The following WDPCP variants were observed in gnomAD, a reference collection of about 807,000 sequenced individuals.
WDPCP encodes WD repeat containing planar cell polarity effector.
In WDPCP, 71 loss-of-function variants were observed where a neutral mutation model predicts 93.1. The observed-to-expected ratio is 0.76, with a 90% CI of 0.63 to 0.93. The LOEUF (loss-of-function observed/expected upper bound fraction) is 0.93, where lower values mean the gene tolerates loss of function less well. WDPCP is among the 40% of genes least tolerant of loss of function. WDPCP has a pLI of 0.00. For synonymous variants in WDPCP, 315 were observed against 315.0 expected (o/e 1.00, Z 0.00); for missense variants, 844 against 887.4 (o/e 0.95, Z 0.62).
rs562772329 is a variant in WDPCP at position 63,457,569 on chromosome 2, A to G, written c.385-17698T>C. On this transcript the variant is annotated intron_variant, in intron 6 of 17. Transcript: ENST00000272321. ...CAAAAATCGTCAACAAAATACTAAC[A>G]AACCAAATCCAACAGCACATCAAAT... is the stretch of plus-strand genomic sequence containing the variant. Among the ~76,000 whole-genome samples the G allele has an allele frequency of 3.3e-5, 5 of 152,322 alleles. No homozygotes were observed. The South Asian group carries it at 1.0e-3, about 32-fold the overall frequency.
chr2:63,128,194 G>A (rs543439712), intron 17 of WDPCP, among the ~76,000 whole-genome samples: 1 of 151,908 alleles, frequency 6.6e-6, no homozygotes. Flanking sequence ...CCAATGAATA[G>A]TACAAACAAG....
intron 13 of WDPCP, among the ~76,000 whole-genome samples, chr2:63,265,353 A>G (rs1682011497): frequency 6.6e-6 from 1 of 152,170 alleles, no homozygotes; most frequent in Admixed American, 6.5e-5. Flanking sequence ...ATAACTGTAT[A>G]CCACAGAAAT....
chr2:63,816,603 G>A (rs774515461), intron 1 of WDPCP, among the ~76,000 whole-genome samples: 61 of 152,210 alleles, frequency 4.0e-4, no homozygotes, highest in Admixed American at 2.0e-4. Context: ...ATCCCCTAGA[G>A]TCTTCAGAGG....
chr2:63,354,636 A>AC (rs1689870403), intron 12 of WDPCP, among the ~76,000 whole-genome samples: 1 of 150,920 alleles, frequency 6.6e-6, no homozygotes, highest in Non-Finnish European at 1.5e-5. Context: ...ATACACCCAC[A>AC]CCCCCACACA....
At chr2:63,631,735 AG>A (rs563211400) in intron 3 of WDPCP, among the ~76,000 whole-genome samples, 4 of 152,252 alleles carry the variant, frequency 2.6e-5, no homozygotes, top group Non-Finnish European at 5.9e-5. Context: ...GGCAAGGCAT[AG>A]GGGCTATCTT....
At chr2:63,642,232 T>C (rs1364872491) in intron 3 of WDPCP, among the ~76,000 whole-genome samples, 1 of 152,116 alleles carries the variant, frequency 6.6e-6, no homozygotes, top group Non-Finnish European at 1.5e-5. Flanking sequence ...TGGTATAATT[T>C]GAAGTTGGGT....
At chr2:63,185,392 C>A (rs540302380) in intron 14 of WDPCP, among the ~76,000 whole-genome samples, 1 of 151,352 alleles carries the variant, frequency 6.6e-6, no homozygotes, top group Non-Finnish European at 1.5e-5. Flanking sequence ...GACAGGACTT[C>A]CCCCCCTCTC....
At position 63,588,317 on chromosome 2, in the gene WDPCP, G is replaced by A. The variant is rs1353949683; in HGVS notation, c.-46C>T. The A allele has an allele frequency of 2.6e-6, 4 of 1,551,526 alleles. No homozygotes were observed. In the Admixed American group the frequency reaches 7.7e-5, roughly 30 times the overall value. On this transcript the variant is annotated 5_prime_UTR_variant, in exon 1 of 18. Coordinates refer to ENST00000272321, the MANE Select transcript of WDPCP (RefSeq NM_015910.7). ...AGAAGGTTCCTAGGCTAGGTCCTCG[G>A]ACCCGAGAGGGAGCGACACGCTCGC...
chr2:63,222,509 C>T (rs970344402), intron 14 of WDPCP, among the ~76,000 whole-genome samples: 1 of 152,178 alleles, frequency 6.6e-6, no homozygotes, highest in Non-Finnish European at 1.5e-5. Flanking sequence ...CTGGTGACAA[C>T]GTAACTCCTC....
intron 14 of WDPCP, among the ~76,000 whole-genome samples, chr2:63,206,702 T>A (rs1676362049): frequency 6.6e-6 from 1 of 152,064 alleles, no homozygotes; most frequent in Admixed American, 6.6e-5. Flanking sequence ...GCATCCCACT[T>A]ATTGTATTTT....
chr2:63,691,025 T>C (rs1319113146), intron 2 of WDPCP, among the ~76,000 whole-genome samples: 1 of 152,166 alleles, frequency 6.6e-6, no homozygotes, highest in Non-Finnish European at 1.5e-5. Context: ...GAAATGAATG[T>C]ACATGCATAA....
chr2:63,472,847 G>T lies in WDPCP; in HGVS notation c.384+11757C>A, dbSNP rs75489737. ...AGTGCTAGGATTACAGGCGTGAGCC[G>T]CCGTGCCCAGCCAATTATTCCTTGT... On this transcript the variant is annotated intron_variant, in intron 6 of 17. Transcript: ENST00000272321. Among the ~76,000 whole-genome samples the T allele has an allele frequency of 2.3e-4, 35 of 152,238 alleles. No individual in the cohort carries two copies. In the East Asian group the frequency reaches 6.6e-3, roughly 29 times the overall value.
At chr2:63,161,088 G>A (rs1404940518) in intron 15 of WDPCP, among the ~76,000 whole-genome samples, 21 of 152,192 alleles carry the variant, frequency 1.4e-4, no homozygotes, top group Non-Finnish European at 2.1e-4. Context: ...CTTGATGTAC[G>A]TTGAACCATA....
chr2:63,481,599 G>C (rs924122174), intron 6 of WDPCP, among the ~76,000 whole-genome samples: 1 of 152,098 alleles, frequency 6.6e-6, no homozygotes, highest in Non-Finnish European at 1.5e-5. Context: ...CAGCAATTTA[G>C]ATGGAATTGC....
chr2:63,525,990 A>C (rs1703311156), intron 1 of WDPCP, among the ~76,000 whole-genome samples: 1 of 152,106 alleles, frequency 6.6e-6, no homozygotes, highest in Non-Finnish European at 1.5e-5. Flanking sequence ...TAAGTGGCTT[A>C]CCTTATGTAT....
chr2:63,373,748 GTTAA>G (rs774615841), intron 12 of WDPCP, among the ~76,000 whole-genome samples: 6 of 151,862 alleles, frequency 4.0e-5, no homozygotes, highest in East Asian at 3.9e-4. Context: ...CATCTTTGGG[GTTAA>G]TTTTTTTTCT....
chr2:63,210,482 A>C (rs1329135461), intron 14 of WDPCP, among the ~76,000 whole-genome samples: 1 of 152,236 alleles, frequency 6.6e-6, no homozygotes, highest in Non-Finnish European at 1.5e-5. Flanking sequence ...GGGAAGTTCC[A>C]AGATGGCGGG....
At chr2:63,822,251 T>C (rs1360706169) in intron 1 of WDPCP, among the ~76,000 whole-genome samples, 1 of 152,116 alleles carries the variant, frequency 6.6e-6, no homozygotes, top group Non-Finnish European at 1.5e-5. Context: ...AGACGGCCTG[T>C]TGTGACCGCA....
At chr2:63,560,845 T>C (rs564569260) in intron 1 of WDPCP, among the ~76,000 whole-genome samples, 7 of 152,138 alleles carry the variant, frequency 4.6e-5, no homozygotes, top group Admixed American at 2.0e-4. Flanking sequence ...GGTAGGGGCC[T>C]GGGGGAGGCA....
Sources: allele counts gnomAD v4.1 joint callset (sites outside exome capture counted in the v4.1 genomes callset), GRCh38; gene constraint gnomAD v4.1.1; transcripts MANE v1.5; gene names NCBI Gene and HGNC (gene_info 2026-07-23, HGNC 2026-07-21).